Variants in OR1I1 observed in about 807,000 individuals in gnomAD.
OR1I1 encodes olfactory receptor family 1 subfamily I member 1, also known as olfactory receptor 1I1.
For synonymous variants in OR1I1, 171 were observed against 181.4 expected, an observed-to-expected ratio of 0.94 and a Z score of 0.46; for missense variants, 451 against 443.6, an observed-to-expected ratio of 1.02 and a Z score of -0.15.
chr19:15,091,924 G>A lies in OR1I1; in HGVS notation c.*3791G>A, dbSNP rs2046258250. On this transcript the variant is annotated 3_prime_UTR_variant, in exon 2 of 2. Coordinates refer to ENST00000641398, the MANE Select transcript of OR1I1 (RefSeq NM_001004713.2). Reference sequence around the variant, plus strand: ...CCTGTAGATAACCGGGACCCAAATAGGCTTTAGGTACAGAGATACAGGAGA... The same window carrying A: ...CCTGTAGATAACCGGGACCCAAATAAGCTTTAGGTACAGAGATACAGGAGA... 1 of 151,344 alleles carries A rather than the reference G, an allele frequency of 6.6e-6. No homozygotes were observed. Among genetic ancestry groups the A allele is most frequent in the South Asian group, 2.1e-4 (1 of 4,808 alleles). The allele number at this position is 151,344 out of a possible 1,614,324, so 9.4% of individuals were successfully genotyped here.
chr19:15,086,920 T>C lies in OR1I1; in HGVS notation c.-13-133T>C. Reference sequence around the variant, plus strand: ...CCACTGAAGATGGCTTGAGGTTAACTGAACACAAAGGAATTTGATGGATTT... The same window carrying C: ...CCACTGAAGATGGCTTGAGGTTAACCGAACACAAAGGAATTTGATGGATTT... On this transcript the variant is annotated intron_variant, in intron 1 of 1. Coordinates refer to ENST00000641398, the MANE Select transcript of OR1I1 (RefSeq NM_001004713.2). The C allele has an allele frequency of 2.2e-6, 3 of 1,393,092 alleles. No individual in the cohort carries two copies. In the East Asian group the frequency reaches 7.6e-5, roughly 35 times the overall value. 86.3% of individuals were successfully genotyped at this position (1,393,092 alleles called of 1,614,324 possible). A position where few individuals can be genotyped will look rare whatever the true frequency, so the allele number is the denominator to read the frequency against.
At chr19:15,082,590 C>T (rs1173983708) in intron 1 of OR1I1, among the ~76,000 whole-genome samples, 1 of 152,092 alleles carries the variant, frequency 6.6e-6, no homozygotes, top group African/African-American at 2.4e-5. Context: ...TCTGCAGCTG[C>T]AGGACACCTG....
In OR1I1 at chr19:15,090,654, A is replaced by G. The variant is rs1392100990; in HGVS notation, c.*2521A>G. ...ACCCAGGCTGGAGTACAGTGGTGCA[A>G]TCATAGCTAAAGTGCAACCTCACCT... On this transcript the variant is annotated 3_prime_UTR_variant, in exon 2 of 2. Coordinates refer to ENST00000641398, the MANE Select transcript of OR1I1 (RefSeq NM_001004713.2). 1 of 152,072 alleles carries G rather than the reference A, an allele frequency of 6.6e-6. No individual in the cohort carries two copies. The highest frequency in any genetic ancestry group is 1.5e-5 in the Non-Finnish European group (1 of 68,054). 9.4% of individuals were successfully genotyped at this position (152,072 alleles called of 1,614,324 possible).
At position 15,092,087 on chromosome 19, in the gene OR1I1, C is replaced by CTTTTTTTTTTTTTTTTTTTTTTTTTTT; in HGVS notation, c.*3977_*3978insTTTTTTTTTTTTTTTTTTTTTTTTTTT. ...CATTTCACAAATTGGATTTAAAACG[C>CTTTTTTTTTTTTTTTTTTTTTTTTTTT]TTTTTTTTTTTTTTTTTTTTTTTGG... On this transcript the variant is annotated 3_prime_UTR_variant, in exon 2 of 2. Transcript: ENST00000641398. 42 of 49,012 alleles carry CTTTTTTTTTTTTTTTTTTTTTTTTTTT rather than the reference C, an allele frequency of 8.6e-4. 4 individuals carry two copies. The highest frequency in any genetic ancestry group is 3.5e-3 in the African/African-American group (38 of 10,742). 3.0% of individuals were successfully genotyped at this position (49,012 alleles called of 1,614,324 possible).
Position 15,087,324 on chromosome 19 carries a change from G to T in OR1I1, c.259G>T (p.Ala87Ser). The stretch of plus-strand genomic sequence containing the variant: ...CCCCAAGATGCTAGCGAACATCCAG[G>T]CTCAGAGCAGAGCCATCCCCTTTGT... ...TVPKMLANIQ[A>S]QSRAIPFVGC... Residue 87 changes from alanine to serine, a missense_variant, in exon 2 of 2, where the codon GCT (alanine) becomes TCT (serine). Ala to Ser is a moderately conservative substitution (Grantham distance 99, BLOSUM62 1). Transcript: ENST00000641398. 1 of 1,614,114 alleles carries T rather than the reference G, an allele frequency of 6.2e-7. No individual in the cohort carries two copies. Among genetic ancestry groups the T allele is most frequent in the Non-Finnish European group, 8.5e-7 (1 of 1,180,014 alleles).
At position 15,090,463 on chromosome 19, in the gene OR1I1, G is replaced by T. The variant is rs2046252138; in HGVS notation, c.*2330G>T. 1 of 152,100 alleles carries T rather than the reference G, an allele frequency of 6.6e-6. No homozygotes were observed. Among genetic ancestry groups the T allele is most frequent in the Non-Finnish European group, 1.5e-5 (1 of 68,082 alleles). 9.4% of individuals were successfully genotyped at this position (152,100 alleles called of 1,614,324 possible). A position where few individuals can be genotyped will look rare whatever the true frequency, so the allele number is the denominator to read the frequency against. ...GATCTGCCCACCTCAGCCTCCCAAAGTGCTGGGATTACAAGCGTGGGCCAC... is the reference window on the plus strand; with the variant it reads ...GATCTGCCCACCTCAGCCTCCCAAATTGCTGGGATTACAAGCGTGGGCCAC... On this transcript the variant is annotated 3_prime_UTR_variant, in exon 2 of 2. Coordinates refer to ENST00000641398, the MANE Select transcript of OR1I1 (RefSeq NM_001004713.2).
Position 15,088,437 on chromosome 19 carries a change from G to A in OR1I1, c.*304G>A, listed in dbSNP as rs1016038010. The A allele has an allele frequency of 9.4e-5, 30 of 318,022 alleles. No homozygotes were observed. Among genetic ancestry groups the A allele is most frequent in the African/African-American group, 6.2e-4 (29 of 46,570 alleles). 19.7% of individuals were successfully genotyped at this position (318,022 alleles called of 1,614,324 possible). On this transcript the variant is annotated 3_prime_UTR_variant, in exon 2 of 2. Coordinates refer to ENST00000641398, the MANE Select transcript of OR1I1 (RefSeq NM_001004713.2). Reference sequence around the variant, plus strand: ...AGGCCAAGGTGGAAGGATCACTTGAGGCCAGGAGTTTGAGACCAGCCTGGG... The same window carrying A: ...AGGCCAAGGTGGAAGGATCACTTGAAGCCAGGAGTTTGAGACCAGCCTGGG...
At position 15,091,760 on chromosome 19, in the gene OR1I1, G is replaced by A. The variant is rs1233160623; in HGVS notation, c.*3627G>A. ...CAGGAGAATGGCGTCAACCCGGGAG[G>A]CGGAGTTTGCGTGAGCCGAGATCGC... is the stretch of plus-strand genomic sequence containing the variant. On this transcript the variant is annotated 3_prime_UTR_variant, in exon 2 of 2. Transcript: ENST00000641398. 6.6e-6 allele frequency: 1 copy of A among 150,436 alleles called. No homozygotes were observed. The highest frequency in any genetic ancestry group is 2.5e-5 in the African/African-American group (1 of 40,816). The allele number at this position is 150,436 out of a possible 1,614,324, so 9.3% of individuals were successfully genotyped here. A position where few individuals can be genotyped will look rare whatever the true frequency, so the allele number is the denominator to read the frequency against.
chr19:15,086,905 T>C, intron 1 of OR1I1, 148 bp from the exon 2 acceptor site: 2 of 1,284,074 alleles, frequency 1.6e-6, no homozygotes, highest in South Asian at 3.4e-5. Context: ...CCACTGAAGA[T>C]GGCTTGAGGT....
chr19:15,087,788 TG>T lies in OR1I1; in HGVS notation c.725del (p.Gly242AlafsTer35), dbSNP rs1568322648. On this transcript the variant is annotated frameshift_variant, in exon 2 of 2. Transcript: ENST00000641398. LOFTEE classifies it low-confidence loss of function (END_TRUNC). Reference protein sequence around the residue: ...RGKWKAFSTCGLHLTVVSLSY... With the variant: ...RGKWKAFSTCXLHLTVVSLSY... Reference sequence around the variant, plus strand: ...GCAAGTGGAAAGCCTTCTCCACCTGTGGCTTACACCTCACTGTGGTGTCACT... The same window carrying T: ...GCAAGTGGAAAGCCTTCTCCACCTGTGCTTACACCTCACTGTGGTGTCACT... 1 of 1,614,190 alleles carries T rather than the reference TG, an allele frequency of 6.2e-7. No individual in the cohort carries two copies.
chr19:15,087,794 A>C lies in OR1I1; in HGVS notation c.729A>C (p.Leu243Phe), dbSNP rs1364841575. The change falls in exon 2 of 2, where the codon TTA becomes TTC. Residue 243 changes from leucine (L) to phenylalanine (F), a missense_variant. Transcript: ENST00000641398. ...GKWKAFSTCG[L>F]HLTVVSLSYG... is the part of the protein sequence containing the mutation. ...GGAAAGCCTTCTCCACCTGTGGCTTACACCTCACTGTGGTGTCACTGTCCT... is the reference window on the plus strand; with the variant it reads ...GGAAAGCCTTCTCCACCTGTGGCTTCCACCTCACTGTGGTGTCACTGTCCT... 1.2e-6 allele frequency: 2 copies of C among 1,614,170 alleles called. No individual in the cohort carries two copies. Among genetic ancestry groups the C allele is most frequent in the East Asian group, 4.5e-5 (2 of 44,886 alleles).
At chr19:15,086,279 A>G (rs2046229853) in intron 1 of OR1I1, among the ~76,000 whole-genome samples, 2 of 151,958 alleles carry the variant, frequency 1.3e-5, no homozygotes, top group South Asian at 4.2e-4. Flanking sequence ...GTGCCACTGA[A>G]CTCCAGCCTG....
Position 15,089,085 on chromosome 19 carries a change from T to C in OR1I1, c.*952T>C, listed in dbSNP as rs990250732. 1.3e-5 allele frequency: 2 copies of C among 150,506 alleles called. No homozygotes were observed. Among genetic ancestry groups the C allele is most frequent in the African/African-American group, 5.0e-5 (2 of 39,994 alleles). The allele number at this position is 150,506 out of a possible 1,614,324, so 9.3% of individuals were successfully genotyped here. On this transcript the variant is annotated 3_prime_UTR_variant, in exon 2 of 2. Coordinates refer to ENST00000641398, the MANE Select transcript of OR1I1 (RefSeq NM_001004713.2). ...GAGATAGAGGAGGTAGGTAGATAGA[T>C]AGATAGATAGATAGGTAGATACAGA...
rs75444330 is a variant in OR1I1, at chr19:15,090,082, G to A, written c.*1949G>A. On this transcript the variant is annotated 3_prime_UTR_variant, in exon 2 of 2. Transcript: ENST00000641398. ...AGAGATTGGGGTGATGCTCCTACAA[G>A]CCAAGGAATGCCAGGGACTGCCTGC... 13,508 of 152,136 alleles carry A rather than the reference G, an allele frequency of 0.089. 634 individuals are homozygous for A. The highest frequency in any genetic ancestry group is 0.15 in the South Asian group (721 of 4,902). The allele number at this position is 152,136 out of a possible 1,614,324, so 9.4% of individuals were successfully genotyped here. A position where few individuals can be genotyped will look rare whatever the true frequency, so the allele number is the denominator to read the frequency against.
chr19:15,084,251 G>A (rs535877804), intron 1 of OR1I1, among the ~76,000 whole-genome samples: 1 of 152,220 alleles, frequency 6.6e-6, no homozygotes, highest in South Asian at 2.1e-4. Context: ...GTTATTGTAA[G>A]ACCTATGCAT....
Position 15,088,481 on chromosome 19 carries a change from T to A in OR1I1, c.*348T>A. 1 of 250,740 alleles carries A rather than the reference T, an allele frequency of 4.0e-6. No homozygotes were observed. Among genetic ancestry groups the A allele is most frequent in the Non-Finnish European group, 7.8e-6 (1 of 128,878 alleles). 15.5% of individuals were successfully genotyped at this position (250,740 alleles called of 1,614,324 possible). ...GCCTGGGCAACATACAGAGACCCTATCTCCACACACACACACAAAATCACT... is the reference window on the plus strand; with the variant it reads ...GCCTGGGCAACATACAGAGACCCTAACTCCACACACACACACAAAATCACT... On this transcript the variant is annotated 3_prime_UTR_variant, in exon 2 of 2. Transcript: ENST00000641398.
Position 15,083,450 on chromosome 19 carries a change from G to A in OR1I1, c.-14+1174G>A, listed in dbSNP as rs544808896. ...GTGACCCTGAAGCGTGCTCAAGGTTGAGAACCGCTGCTCTATGCAACCCAA... is the reference window on the plus strand; with the variant it reads ...GTGACCCTGAAGCGTGCTCAAGGTTAAGAACCGCTGCTCTATGCAACCCAA... On this transcript the variant is annotated intron_variant, in intron 1 of 1. Transcript: ENST00000641398. 2.0e-5 allele frequency among the ~76,000 whole-genome samples: 3 copies of A among 152,288 alleles called. No individual in the cohort carries two copies. The South Asian group carries it at 6.2e-4, about 32-fold the overall frequency.
chr19:15,085,165 TATATATATA>T (rs1234359681), intron 1 of OR1I1, among the ~76,000 whole-genome samples: 2,593 of 45,878 alleles, frequency 0.057, 365 homozygotes, highest in Middle Eastern at 0.096. Context: ...TATATATATA[TATATATATA>T]TATTTTTTTT....
rs1049766822 is a variant in OR1I1, at chr19:15,088,391, C to T, written c.*258C>T. ...AAAGGCCAGGTGTGGAAGCTCAAGC[C>T]TGTGATCCCAGCATTTTGGGAGGCC... On this transcript the variant is annotated 3_prime_UTR_variant, in exon 2 of 2. Coordinates refer to ENST00000641398, the MANE Select transcript of OR1I1 (RefSeq NM_001004713.2). 2 of 407,834 alleles carry T rather than the reference C, an allele frequency of 4.9e-6. No individual in the cohort carries two copies. The highest frequency in any genetic ancestry group is 4.1e-5 in the African/African-American group (2 of 49,378). 25.3% of individuals were successfully genotyped at this position (407,834 alleles called of 1,614,324 possible).
Sources: gnomAD v4.1 joint callset for allele counts (sites outside exome capture counted in the v4.1 genomes callset) on GRCh38, gnomAD v4.1.1 for gene constraint, MANE v1.5 for transcripts, NCBI Gene and HGNC (gene_info 2026-07-23, HGNC 2026-07-21) for gene names.